Variants in SET observed in about 807,000 individuals in gnomAD.
SET encodes SET nuclear proto-oncogene.
SET carries 4 observed loss-of-function variants against 39.0 expected under a neutral mutation model. The ratio of observed to expected loss-of-function variants is 0.10; its 90% CI spans 0.05 to 0.23. The LOEUF is 0.23. SET is among the 10% of genes least tolerant of loss of function. SET has a pLI of 1.00. For synonymous variants in SET, 114 were observed against 115.9 expected (o/e 0.98, Z 0.11); for missense variants, 137 against 329.7 (o/e 0.42, Z 4.53).
In SET at chr9:128,689,518, G is replaced by T; in HGVS notation, c.-65G>T. 2.5e-6 allele frequency: 2 copies of T among 792,762 alleles called. No homozygotes were observed. The highest frequency in any genetic ancestry group is 3.5e-6 in the Non-Finnish European group (2 of 569,546). The allele number at this position is 792,762 out of a possible 1,614,324, so 49.1% of individuals were successfully genotyped here. A position where few individuals can be genotyped will look rare whatever the true frequency, so the allele number is the denominator to read the frequency against. On this transcript the variant is annotated 5_prime_UTR_variant, in exon 1 of 8. Coordinates refer to ENST00000322030, the MANE Select transcript of SET (RefSeq NM_003011.4). The stretch of plus-strand genomic sequence containing the variant: ...CGTGTGGCGTGAGGGGAAGCCGCTT[G>T]CCCGCCCCCTTCGCCTTCCCTTCTC...
upstream of SET, chr9:128,685,244 T>G (rs755401682): frequency 6.4e-7 from 1 of 1,553,962 alleles, no homozygotes; most frequent in Admixed American, 1.8e-5. Flanking sequence ...TGTGCTTGTT[T>G]TCTCTTCTAT....
intron 1 of SET, chr9:128,690,118 GCT>G: frequency 3.7e-6 from 1 of 268,574 alleles, no homozygotes; most frequent in Non-Finnish European, 5.7e-6. Context: ...CCGCCCAGAG[GCT>G]GGCCCCGGCG....
At chr9:128,685,079 A>G (rs1441309032), upstream of SET, 1 of 1,535,592 alleles carries the variant, frequency 6.5e-7, no homozygotes, top group Non-Finnish European at 8.8e-7. Flanking sequence ...GGCAACTCTT[A>G]TGGAAGAAGC....
At chr9:128,693,006 A>G (rs2132253896) in intron 5 of SET, 25 bp downstream of exon 5, 1 of 1,458,616 alleles carries the variant, frequency 6.9e-7, no homozygotes, top group East Asian at 2.3e-5. Context: ...ATTATTTGAC[A>G]AAAATAGCAT....
In SET at chr9:128,695,022, A is replaced by T. The variant is rs1442398681; in HGVS notation, c.*358A>T. On this transcript the variant is annotated 3_prime_UTR_variant, in exon 8 of 8. Transcript: ENST00000322030. ...GTGCTAGGCCCCTGTGTAGTAGTGC[A>T]TAGAATTCTAGCTTTTTTCCTCCTT... 4.1e-6 allele frequency: 1 copy of T among 243,000 alleles called. No individual in the cohort carries two copies. Among genetic ancestry groups the T allele is most frequent in the Non-Finnish European group, 8.0e-6 (1 of 124,990 alleles). 15.1% of individuals were successfully genotyped at this position (243,000 alleles called of 1,614,324 possible).
chr9:128,686,119 C>A (rs1448031895), upstream of SET, among the ~76,000 whole-genome samples: 1 of 151,792 alleles, frequency 6.6e-6, no homozygotes, highest in Non-Finnish European at 1.5e-5. Context: ...AGAGAGAATG[C>A]AGAGCTTCTG....
chr9:128,694,119 T>TATAC, intron 7 of SET, 77 bp downstream of exon 7: 1 of 1,297,712 alleles, frequency 7.7e-7, no homozygotes, highest in Non-Finnish European at 1.0e-6. Flanking sequence ...TATATATATA[T>TATAC]ATAGTGTGGT....
In SET at chr9:128,691,990, C is replaced by T. The variant is rs1861552459; in HGVS notation, c.264C>T (p.Asn88=). The T allele has an allele frequency of 1.9e-6, 3 of 1,613,882 alleles. No individual in the cohort carries two copies. Among genetic ancestry groups the T allele is most frequent in the Non-Finnish European group, 2.5e-6 (3 of 1,179,908 alleles). ...IPNFWVTTFV[N]HPQVSALLGE... is the part of the protein sequence containing the mutation. ...ATTTTTGGGTAACAACATTTGTCAA[C>T]CATCCACAAGGTATGTTTTGGACAG... Residue 88 remains asparagine (N), a synonymous_variant, in exon 3 of 8, where the codon AAC becomes AAT. Coordinates refer to ENST00000322030, the MANE Select transcript of SET (RefSeq NM_003011.4).
rs1861403343 is a variant in SET, at chr9:128,689,262, A to G, written c.-321A>G. The G allele has an allele frequency of 3.0e-6, 3 of 1,005,654 alleles. 1 individual carries two copies. In the South Asian group the frequency reaches 1.4e-4, roughly 46 times the overall value. 62.3% of individuals were successfully genotyped at this position (1,005,654 alleles called of 1,614,324 possible). On this transcript the variant is annotated 5_prime_UTR_variant, in exon 1 of 8. Transcript: ENST00000322030. ...GAGGTGGAGGAGGAGGCGGCTCGGGAGAGCGAGCAGCGAGCTGGCTGGATC... is the reference window on the plus strand; with the variant it reads ...GAGGTGGAGGAGGAGGCGGCTCGGGGGAGCGAGCAGCGAGCTGGCTGGATC...
intron 5 of SET, 31 bp downstream of exon 5, chr9:128,693,012 A>G: frequency 7.0e-7 from 1 of 1,423,670 alleles, no homozygotes; most frequent in Non-Finnish European, 9.9e-7. Flanking sequence ...TGACAAAAAT[A>G]GCATTTTGCC....
upstream of SET, chr9:128,685,214 G>A: frequency 6.3e-7 from 1 of 1,599,590 alleles, no homozygotes; most frequent in Non-Finnish European, 8.5e-7. Context: ...ACCTTGCTGG[G>A]TGAGCCACAT....
Position 128,694,535 on chromosome 9 carries a change from T to C in SET, c.811-106T>C. On this transcript the variant is annotated intron_variant, in intron 7 of 7. Coordinates refer to ENST00000322030, the MANE Select transcript of SET (RefSeq NM_003011.4). Reference sequence around the variant, plus strand: ...CTTCGATGCAGCTGACTTACAGGTTTAGAAACTGGAGTGCCCCCAGGGGCA... The same window carrying C: ...CTTCGATGCAGCTGACTTACAGGTTCAGAAACTGGAGTGCCCCCAGGGGCA... 2 of 670,416 alleles carry C rather than the reference T, an allele frequency of 3.0e-6. 1 individual carries two copies. Among genetic ancestry groups the C allele is most frequent in the South Asian group, 4.0e-5 (2 of 49,422 alleles). The allele number at this position is 670,416 out of a possible 1,614,324, so 41.5% of individuals were successfully genotyped here. A position where few individuals can be genotyped will look rare whatever the true frequency, so the allele number is the denominator to read the frequency against.
Position 128,689,439 on chromosome 9 carries a change from A to G in SET, c.-144A>G, listed in dbSNP as rs939257924. The G allele has an allele frequency of 3.5e-5, 10 of 285,268 alleles. No homozygotes were observed. Among genetic ancestry groups the G allele is most frequent in the Admixed American group, 6.1e-5 (1 of 16,346 alleles). The allele number at this position is 285,268 out of a possible 1,614,324, so 17.7% of individuals were successfully genotyped here. On this transcript the variant is annotated 5_prime_UTR_variant, in exon 1 of 8. Transcript: ENST00000322030. ...TAGCGCGCGCGAGCGAGCGAGGGGG[A>G]GGGAGAGCGAGCGAGCGCCGGGAGG...
In SET at chr9:128,689,436, G is replaced by T; in HGVS notation, c.-147G>T. On this transcript the variant is annotated 5_prime_UTR_variant, in exon 1 of 8. Coordinates refer to ENST00000322030, the MANE Select transcript of SET (RefSeq NM_003011.4). ...GGGTAGCGCGCGCGAGCGAGCGAGG[G>T]GGAGGGAGAGCGAGCGAGCGCCGGG... 1 of 664,782 alleles carries T rather than the reference G, an allele frequency of 1.5e-6. No individual in the cohort carries two copies. The highest frequency in any genetic ancestry group is 2.0e-6 in the Non-Finnish European group (1 of 498,482). 41.2% of individuals were successfully genotyped at this position (664,782 alleles called of 1,614,324 possible). A position where few individuals can be genotyped will look rare whatever the true frequency, so the allele number is the denominator to read the frequency against.
intron 5 of SET, 74 bp downstream of exon 5, chr9:128,693,055 C>G (rs1861603873): frequency 1.0e-6 from 1 of 971,680 alleles, no homozygotes; most frequent in African/African-American, 1.7e-5. Flanking sequence ...CTTACAAGTG[C>G]TTGATACTTT....
rs557330216 is a variant in SET, at chr9:128,691,277, A to T, written c.131+50A>T. On this transcript the variant is annotated intron_variant, in intron 2 of 7. Transcript: ENST00000322030. ...GGAGAAATTTTCTGAGATGTGTCTA[A>T]TAGCCCGGTAATTATCGAAGCTATG... The T allele has an allele frequency of 2.7e-5, 30 of 1,128,888 alleles. No individual in the cohort carries two copies. The East Asian group carries it at 6.8e-4, about 26-fold the overall frequency. 69.9% of individuals were successfully genotyped at this position (1,128,888 alleles called of 1,614,324 possible).
upstream of SET, among the ~76,000 whole-genome samples, chr9:128,688,444 C>A (rs1861363418): frequency 6.6e-6 from 1 of 152,166 alleles, no homozygotes. Flanking sequence ...TGTTGTGAGG[C>A]CTCGGTGAGA....
upstream of SET, among the ~76,000 whole-genome samples, chr9:128,687,948 GGCTCCC>G: frequency 6.6e-6 from 1 of 152,282 alleles, no homozygotes; most frequent in African/African-American, 2.4e-5. Flanking sequence ...CGGGCGCAGT[GGCTCCC>G]GCCTGTAATC....
rs1224046392 is a variant in SET, at chr9:128,689,296, C to A, written c.-287C>A. On this transcript the variant is annotated 5_prime_UTR_variant, in exon 1 of 8. Transcript: ENST00000322030. ...AGCGAGCTGGCTGGATCGCCGAGCG[C>A]GAGTGAGGGAGCCGAGCCGCCCGCC... The A allele has an allele frequency of 3.9e-6, 4 of 1,019,924 alleles. No homozygotes were observed. The Admixed American group carries it at 1.8e-4, about 45-fold the overall frequency. The allele number at this position is 1,019,924 out of a possible 1,614,324, so 63.2% of individuals were successfully genotyped here.
Sources: gnomAD v4.1 joint callset for allele counts (sites outside exome capture counted in the v4.1 genomes callset) on GRCh38, gnomAD v4.1.1 for gene constraint, MANE v1.5 for transcripts, NCBI Gene and HGNC (gene_info 2026-07-23, HGNC 2026-07-21) for gene names.